The following ZNF92 variants were observed in gnomAD, a reference collection of about 807,000 sequenced individuals.
The protein encoded by ZNF92 is epididymis luminal protein 203.
In ZNF92, 11 loss-of-function variants were observed where a neutral mutation model predicts 12.4. That is an observed-to-expected ratio of 0.89 (90% CI 0.56 to 1.47). ZNF92 has a LOEUF of 1.47. ZNF92 is among the 40% of genes most tolerant of loss of function. ZNF92 has a pLI of 0.00. For synonymous variants in ZNF92, 206 were observed against 228.6 expected (o/e 0.90, Z 0.89); for missense variants, 622 against 681.0 (o/e 0.91, Z 0.96).
chr7:65,381,975 A>G (rs1341146393), intron 1 of ZNF92, among the ~76,000 whole-genome samples: 3 of 152,154 alleles, frequency 2.0e-5, no homozygotes, highest in Non-Finnish European at 4.4e-5. Context: ...AGCCAAAAAG[A>G]GAGCACTATA....
chr7:65,390,885 G>A (rs951156152), intron 3 of ZNF92, among the ~76,000 whole-genome samples: 1 of 152,066 alleles, frequency 6.6e-6, no homozygotes, highest in African/African-American at 2.4e-5. Flanking sequence ...CCTCCAGGCC[G>A]CTGGAAGGGC....
chr7:65,392,706 T>C (rs1793746685), intron 3 of ZNF92, among the ~76,000 whole-genome samples: 1 of 151,908 alleles, frequency 6.6e-6, no homozygotes, highest in Non-Finnish European at 1.5e-5. Flanking sequence ...CTGGCTAATT[T>C]TGTATTTTTA....
chr7:65,375,073 A>G (rs139839867), intron 1 of ZNF92, among the ~76,000 whole-genome samples: 159 of 152,266 alleles, frequency 1.0e-3, no homozygotes, highest in African/African-American at 3.6e-3. Context: ...TCCTGTTTGT[A>G]AATATTTCCT....
intron 3 of ZNF92, among the ~76,000 whole-genome samples, chr7:65,395,574 C>T (rs1793826105): frequency 1.3e-5 from 2 of 152,076 alleles, no homozygotes; most frequent in African/African-American, 2.4e-5. Context: ...GTGCTTGGGT[C>T]ATGGGGGCAA....
chr7:65,387,815 T>C lies in ZNF92; in HGVS notation c.4-87T>C, dbSNP rs1435023931. On this transcript the variant is annotated intron_variant, in intron 1 of 3. Coordinates refer to ENST00000328747, the MANE Select transcript of ZNF92 (RefSeq NM_152626.4). ...GTCAGAACTTGTTCTCTTTACTCTT[T>C]CATTTCACCTTAAGTCAAATAAAAA... 1.6e-5 allele frequency: 23 copies of C among 1,435,816 alleles called. 1 individual carries two copies. The South Asian group carries it at 2.8e-4, about 17-fold the overall frequency. 88.9% of individuals were successfully genotyped at this position (1,435,816 alleles called of 1,614,324 possible).
rs1793928527 is a variant in ZNF92 at position 65,398,959 on chromosome 7, A to G, written c.845A>G (p.Glu282Gly). 1 of 1,613,438 alleles carries G rather than the reference A, an allele frequency of 6.2e-7. No homozygotes were observed. ...AAACATAAAAGAATTCATACAGAAG[A>G]GAAACCCTACAAATGTGAAGAATGT... The part of the protein sequence containing the change: ...LTKHKRIHTE[E>G]KPYKCEECGK... Residue 282 changes from glutamate (E) to glycine (G), a missense_variant, in exon 4 of 4, where the codon GAG becomes GGG. Coordinates refer to ENST00000328747, the MANE Select transcript of ZNF92 (RefSeq NM_152626.4).
chr7:65,385,456 C>T (rs996687870), intron 1 of ZNF92, among the ~76,000 whole-genome samples: 2 of 151,880 alleles, frequency 1.3e-5, no homozygotes, highest in Middle Eastern at 3.2e-3. Flanking sequence ...ATTCAAGATA[C>T]ATTCGTGAGT....
intron 3 of ZNF92, among the ~76,000 whole-genome samples, chr7:65,391,937 GCA>G (rs1346995615): frequency 6.6e-6 from 1 of 151,936 alleles, no homozygotes; most frequent in Non-Finnish European, 1.5e-5. Flanking sequence ...CATCAATATT[GCA>G]AACCAGGTTT....
intron 1 of ZNF92, among the ~76,000 whole-genome samples, chr7:65,383,020 C>A (rs1793465685): frequency 6.6e-6 from 1 of 152,070 alleles, no homozygotes; most frequent in Non-Finnish European, 1.5e-5. Context: ...ACACCCTATA[C>A]AGCTTAGAAA....
chr7:65,398,652 A>T lies in ZNF92; in HGVS notation c.538A>T (p.Lys180Ter). Residue 180 changes from lysine (K) to a stop codon, truncating the protein, a stop_gained, in exon 4 of 4, where the codon AAA becomes TAA. Transcript: ENST00000328747. LOFTEE classifies it low-confidence loss of function (END_TRUNC). Reference sequence around the variant, plus strand: ...ACCTTTCAAATGTAAAAACCGTGGCAAATCATTTTGCATGCTTTCACAATT... The same window carrying T: ...ACCTTTCAAATGTAAAAACCGTGGCTAATCATTTTGCATGCTTTCACAATT... ...KKPFKCKNRG[K>*]SFCMLSQLTQ... 1 of 1,612,198 alleles carries T rather than the reference A, an allele frequency of 6.2e-7. No individual in the cohort carries two copies.
Position 65,399,974 on chromosome 7 carries a change from G to GTCC in ZNF92, c.*100_*101insCCT. The GTCC allele has an allele frequency of 9.4e-7, 1 of 1,067,822 alleles. No individual in the cohort carries two copies. Among genetic ancestry groups the GTCC allele is most frequent in the Non-Finnish European group, 1.3e-6 (1 of 759,016 alleles). 66.1% of individuals were successfully genotyped at this position (1,067,822 alleles called of 1,614,324 possible). A position where few individuals can be genotyped will look rare whatever the true frequency, so the allele number is the denominator to read the frequency against. ...AGGAATATGACAAGGACTTTAAATG[G>GTCC]TTGTCACGCTTGATTGTAGGTAAGA... is the stretch of plus-strand genomic sequence containing the variant. On this transcript the variant is annotated 3_prime_UTR_variant, in exon 4 of 4. Transcript: ENST00000328747.
chr7:65,374,879 C>G (rs1168491722), intron 1 of ZNF92, among the ~76,000 whole-genome samples: 1 of 152,074 alleles, frequency 6.6e-6, no homozygotes, highest in Non-Finnish European at 1.5e-5. Context: ...CCTCATTCCT[C>G]CAGCTTAATT....
chr7:65,379,664 TAC>T (rs1270951329), intron 1 of ZNF92, among the ~76,000 whole-genome samples: 1 of 152,114 alleles, frequency 6.6e-6, no homozygotes, highest in African/African-American at 2.4e-5. Context: ...CAAAATTGTC[TAC>T]AAGTCTCCTG....
intron 1 of ZNF92, 65 bp from the exon 2 acceptor site, chr7:65,387,837 A>G: frequency 6.8e-7 from 1 of 1,479,556 alleles, no homozygotes; most frequent in Non-Finnish European, 9.0e-7. Context: ...AAGTCAAATA[A>G]AAAATTCTGC....
At chr7:65,384,768 G>A (rs1331558456) in intron 1 of ZNF92, among the ~76,000 whole-genome samples, 1 of 151,816 alleles carries the variant, frequency 6.6e-6, no homozygotes, top group Non-Finnish European at 1.5e-5. Context: ...TATAAATGCT[G>A]GGCCCTTTTT....
chr7:65,388,767 T>C (rs756818215), intron 2 of ZNF92, 39 bp from the exon 3 acceptor site: 1 of 1,519,140 alleles, frequency 6.6e-7, no homozygotes, highest in South Asian at 1.1e-5. Context: ...AATTGGAGAA[T>C]ATGAGCAAGA....
intron 1 of ZNF92, among the ~76,000 whole-genome samples, chr7:65,386,539 A>G (rs1486289800): frequency 6.6e-6 from 1 of 152,132 alleles, no homozygotes; most frequent in Non-Finnish European, 1.5e-5. Flanking sequence ...CATTAGCTCT[A>G]TGCAGAACAG....
chr7:65,384,060 T>C (rs1793497693), intron 1 of ZNF92, among the ~76,000 whole-genome samples: 1 of 152,134 alleles, frequency 6.6e-6, no homozygotes, highest in Non-Finnish European at 1.5e-5. Context: ...AATGGATGTT[T>C]ATGGACAGAA....
At chr7:65,374,831 CAT>C (rs1252074766) in intron 1 of ZNF92, among the ~76,000 whole-genome samples, 1 of 152,058 alleles carries the variant, frequency 6.6e-6, no homozygotes, top group East Asian at 1.9e-4. Flanking sequence ...GCAGTTTTCA[CAT>C]GTGTCCCAAG....
Sources: allele counts gnomAD v4.1 joint callset (sites outside exome capture counted in the v4.1 genomes callset), GRCh38; gene constraint gnomAD v4.1.1; transcripts MANE v1.5; gene names NCBI Gene and HGNC (gene_info 2026-07-23, HGNC 2026-07-21).